Variants in LCOR observed in about 807,000 individuals in gnomAD.
LCOR encodes ligand-dependent corepressor.
Under a neutral mutation model 64.4 loss-of-function variants are expected in LCOR, and 14 were observed. That is an observed-to-expected ratio of 0.22 (90% CI 0.14 to 0.34). The LOEUF (loss-of-function observed/expected upper bound fraction) is 0.34, where lower values mean the gene tolerates loss of function less well. LCOR is among the 10% of genes least tolerant of loss of function. The probability of loss-of-function intolerance (pLI) is 1.00; values close to 1 mark genes in which losing one functional copy is unlikely to be tolerated. For synonymous variants in LCOR, 643 were observed against 642.5 expected, an observed-to-expected ratio of 1.00 and a Z score of -0.01; for missense variants, 1,686 against 1,765.3, an observed-to-expected ratio of 0.96 and a Z score of 0.80.
At chr10:96,897,830 T>TA (rs1846566014) in intron 2 of LCOR, among the ~76,000 whole-genome samples, 1 of 151,748 alleles carries the variant, frequency 6.6e-6, no homozygotes, top group South Asian at 2.1e-4. Context: ...AGTCTATAGA[T>TA]ACAGAGAACT....
chr10:96,956,218 T>G, intron 7 of LCOR: 1 of 1,076,462 alleles, frequency 9.3e-7, no homozygotes. Flanking sequence ...CTGTAGAGCC[T>G]GCATGCTTTT....
intron 2 of LCOR, among the ~76,000 whole-genome samples, chr10:96,902,348 C>T (rs1392979600): frequency 6.6e-6 from 1 of 152,034 alleles, no homozygotes; most frequent in African/African-American, 2.4e-5. Context: ...AAATAGGGTT[C>T]ATCATAGTGC....
intron 2 of LCOR, among the ~76,000 whole-genome samples, chr10:96,877,232 T>G (rs2134414221): frequency 6.6e-6 from 1 of 152,152 alleles, no homozygotes; most frequent in South Asian, 2.1e-4. Context: ...ATAATGATGC[T>G]TTAAAAATAG....
chr10:96,978,406 A>G (rs1429102800), intron 7 of LCOR, among the ~76,000 whole-genome samples: 2 of 152,198 alleles, frequency 1.3e-5, no homozygotes, highest in East Asian at 3.8e-4. Flanking sequence ...AAAGTACTCA[A>G]TAGGTTTTTT....
rs769514282 is a variant in LCOR at position 96,982,185 on chromosome 10, C to A, written c.1725C>A (p.His575Gln). The A allele has an allele frequency of 1.2e-6, 2 of 1,614,040 alleles. No homozygotes were observed. The highest frequency in any genetic ancestry group is 2.7e-5 in the African/African-American group (2 of 74,924). ...AACCTAGCAAGGAAATCACCTCTCACGAGGAAGGAGGTGGAGACGTTTCAC... is the reference window on the plus strand; with the variant it reads ...AACCTAGCAAGGAAATCACCTCTCAAGAGGAAGGAGGTGGAGACGTTTCAC... ...PEEPSKEITS[H>Q]EEGGGDVSPR... The change falls in exon 8 of 8, where the codon CAC (histidine) becomes CAA (glutamine). Residue 575 changes from histidine (H) to glutamine (Q), a missense_variant. This residue lies in a region of LCOR where 1,293 missense variants were observed against 1,410.4 expected (regional missense o/e 0.92). Transcript: ENST00000421806.
chr10:96,972,628 A>G (rs927652162), intron 7 of LCOR, among the ~76,000 whole-genome samples: 2 of 152,198 alleles, frequency 1.3e-5, no homozygotes, highest in Non-Finnish European at 2.9e-5. Flanking sequence ...AATAAATTTG[A>G]CAATCTAGTT....
chr10:96,872,585 T>C (rs1846090410), intron 2 of LCOR, among the ~76,000 whole-genome samples: 1 of 152,090 alleles, frequency 6.6e-6, no homozygotes, highest in Non-Finnish European at 1.5e-5. Flanking sequence ...CTTGGGGGAC[T>C]GAGGCAGGAG....
At position 96,980,838 on chromosome 10, in the gene LCOR, G is replaced by A. The variant is rs1229946185; in HGVS notation, c.378G>A (p.Ser126=). 3 of 702,760 alleles carry A rather than the reference G, an allele frequency of 4.3e-6. No individual in the cohort carries two copies. Among genetic ancestry groups the A allele is most frequent in the East Asian group, 2.7e-5 (1 of 37,308 alleles). The allele number at this position is 702,760 out of a possible 1,614,324, so 43.5% of individuals were successfully genotyped here. A position where few individuals can be genotyped will look rare whatever the true frequency, so the allele number is the denominator to read the frequency against. ...EAKAVDSNNQ[S]KSPLEKFMVK... ...AAGCAGTAGATTCTAACAATCAGTC[G>A]AAGTCCCCACTGGAGAAATTTATGG... is the stretch of plus-strand genomic sequence containing the variant. Residue 126 remains serine, a synonymous_variant, in exon 8 of 8, where the codon TCG becomes TCA. Coordinates refer to ENST00000421806, the MANE Select transcript of LCOR (RefSeq NM_001346516.2).
rs146748082 is a variant in LCOR, at chr10:96,994,144, G to A, written c.*9010G>A. The A allele has an allele frequency of 1.3e-5, 2 of 152,256 alleles. No individual in the cohort carries two copies. The highest frequency in any genetic ancestry group is 2.1e-4 in the South Asian group (1 of 4,816). 9.4% of individuals were successfully genotyped at this position (152,256 alleles called of 1,614,324 possible). A position where few individuals can be genotyped will look rare whatever the true frequency, so the allele number is the denominator to read the frequency against. ...TATAGGGTTTCCAGAATCTAGTTGA[G>A]GCAAAGCTCATTTGGCTATAGAGTA... is the stretch of plus-strand genomic sequence containing the variant. On this transcript the variant is annotated 3_prime_UTR_variant, in exon 8 of 8. Transcript: ENST00000421806.
At chr10:96,853,077 C>T (rs554051184) in intron 2 of LCOR, among the ~76,000 whole-genome samples, 18 of 152,058 alleles carry the variant, frequency 1.2e-4, no homozygotes, top group Admixed American at 1.0e-3. Flanking sequence ...GGTGGAGTCT[C>T]GCTCTGTTGC....
At chr10:96,903,235 A>G (rs2134448518) in intron 2 of LCOR, among the ~76,000 whole-genome samples, 1 of 152,312 alleles carries the variant, frequency 6.6e-6, no homozygotes, top group South Asian at 2.1e-4. Flanking sequence ...CTGTAGACTT[A>G]TAAATACTGT....
At chr10:96,893,282 G>T (rs1008588791) in intron 2 of LCOR, among the ~76,000 whole-genome samples, 1 of 152,112 alleles carries the variant, frequency 6.6e-6, no homozygotes, top group African/African-American at 2.4e-5. Flanking sequence ...AGTCTTTTAA[G>T]TCATATAGGG....
In LCOR at chr10:96,986,191, A is replaced by G. The variant is rs557488506; in HGVS notation, c.*1057A>G. ...TCTCCCAATCCCAATTTTACAGTAA[A>G]ATTTTTTCCCTATGCAGTGTGCTTG... is the stretch of plus-strand genomic sequence containing the variant. On this transcript the variant is annotated 3_prime_UTR_variant, in exon 8 of 8. Coordinates refer to ENST00000421806, the MANE Select transcript of LCOR (RefSeq NM_001346516.2). 3 of 167,102 alleles carry G rather than the reference A, an allele frequency of 1.8e-5. No individual in the cohort carries two copies. In the South Asian group the frequency reaches 6.2e-4, roughly 35 times the overall value. 10.4% of individuals were successfully genotyped at this position (167,102 alleles called of 1,614,324 possible). A position where few individuals can be genotyped will look rare whatever the true frequency, so the allele number is the denominator to read the frequency against.
Position 96,984,584 on chromosome 10 carries a change from C to T in LCOR, c.4124C>T (p.Thr1375Ile), listed in dbSNP as rs966423020. 1.9e-6 allele frequency: 3 copies of T among 1,614,112 alleles called. No individual in the cohort carries two copies. Among genetic ancestry groups the T allele is most frequent in the African/African-American group, 2.7e-5 (2 of 75,024 alleles). The change falls in exon 8 of 8, where the codon ACT becomes ATT. Residue 1375 changes from threonine (T) to isoleucine (I), a missense_variant. Transcript: ENST00000421806. ...GGGTTTCCTGTTAAGCCCAAGAGTACTGAAGGAATGAAGGGAAGGAAGGGG... is the reference window on the plus strand; with the variant it reads ...GGGTTTCCTGTTAAGCCCAAGAGTATTGAAGGAATGAAGGGAAGGAAGGGG... ...ADGFPVKPKS[T>I]EGMKGRKGKQ...
In LCOR at chr10:96,986,752, G is replaced by A. The variant is rs987663027; in HGVS notation, c.*1618G>A. The A allele has an allele frequency of 2.0e-5, 3 of 152,304 alleles. No homozygotes were observed. The highest frequency in any genetic ancestry group is 1.9e-4 in the East Asian group (1 of 5,186). The allele number at this position is 152,304 out of a possible 1,614,324, so 9.4% of individuals were successfully genotyped here. On this transcript the variant is annotated 3_prime_UTR_variant, in exon 8 of 8. Transcript: ENST00000421806. ...GAAGCCTCAGTCAGCTTCCTTAACC[G>A]GTTCTGTCACCAAAATCAGCTTGTA...
At chr10:96,886,097 C>T (rs1375339260) in intron 2 of LCOR, among the ~76,000 whole-genome samples, 1 of 152,116 alleles carries the variant, frequency 6.6e-6, no homozygotes, top group Non-Finnish European at 1.5e-5. Flanking sequence ...AGGCTGGTCT[C>T]GAGCTCCTCG....
chr10:96,938,294 A>G (rs1476357147), intron 4 of LCOR, among the ~76,000 whole-genome samples: 1 of 152,228 alleles, frequency 6.6e-6, no homozygotes, highest in African/African-American at 2.4e-5. Flanking sequence ...TAATAGAGTA[A>G]GTGACACAGA....
intron 7 of LCOR, chr10:96,957,484 C>G: frequency 1.0e-6 from 1 of 985,246 alleles, no homozygotes; most frequent in Non-Finnish European, 1.2e-6. Flanking sequence ...AAAACAAATT[C>G]CACACCACAT....
In LCOR at chr10:96,985,428, T is replaced by C. The variant is rs1363785263; in HGVS notation, c.*294T>C. On this transcript the variant is annotated 3_prime_UTR_variant, in exon 8 of 8. Transcript: ENST00000421806. ...AGTGCCTTATTTATCCTTTTTGTTT[T>C]TAAATTTACAAAAGCTAAAAAGCTG... 1 of 256,808 alleles carries C rather than the reference T, an allele frequency of 3.9e-6. No homozygotes were observed. The highest frequency in any genetic ancestry group is 2.2e-5 in the African/African-American group (1 of 44,542). 15.9% of individuals were successfully genotyped at this position (256,808 alleles called of 1,614,324 possible).
Sources: allele counts gnomAD v4.1 joint callset (sites outside exome capture counted in the v4.1 genomes callset), GRCh38; gene constraint gnomAD v4.1.1; regional missense constraint gnomAD v4.1.1; transcripts MANE v1.5; gene names NCBI Gene and HGNC (gene_info 2026-07-23, HGNC 2026-07-21).